The following RSPO2 variants were observed in gnomAD, a reference collection of about 807,000 sequenced individuals.
RSPO2 encodes the protein R-spondin 2.
In RSPO2, 14 loss-of-function variants were observed where a neutral mutation model predicts 30.9. The ratio of observed to expected loss-of-function variants is 0.45; its 90% CI spans 0.30 to 0.71. The LOEUF is 0.71. Ranked by LOEUF, RSPO2 falls within the 30% of genes least tolerant of loss-of-function variation. The probability of loss-of-function intolerance (pLI) is 0.08; values close to 1 mark genes in which losing one functional copy is unlikely to be tolerated. For missense variants in RSPO2, 264 were observed against 301.9 expected (o/e 0.87, Z 0.93); for synonymous variants, 107 against 96.4 (o/e 1.11, Z -0.64).
chr8:108,048,428 C>A (rs192337422), intron 2 of RSPO2, among the ~76,000 whole-genome samples: 4 of 151,724 alleles, frequency 2.6e-5, no homozygotes, highest in African/African-American at 4.8e-5. Flanking sequence ...TGTATTAAAA[C>A]CATAGCACTT....
chr8:108,005,554 A>G (rs1815426364), intron 2 of RSPO2, among the ~76,000 whole-genome samples: 1 of 152,106 alleles, frequency 6.6e-6, no homozygotes, highest in South Asian at 2.1e-4. Context: ...ACGTCAAACA[A>G]GCAGACAGAA....
chr8:107,914,162 C>T lies in RSPO2; in HGVS notation c.617-12972G>A, dbSNP rs115808876. Among the ~76,000 whole-genome samples, 1,462 of 152,178 alleles carry T rather than the reference C, an allele frequency of 9.6e-3. 26 individuals are homozygous for T. Among genetic ancestry groups the T allele is most frequent in the African/African-American group, 0.033 (1,354 of 41,524 alleles). On this transcript the variant is annotated intron_variant, in intron 5 of 5. Transcript: ENST00000276659. ...TCAGTGACTTATGATGAATACAAAA[C>T]AAACCTTCCATGATCTTAGCAGGGC...
intron 2 of RSPO2, among the ~76,000 whole-genome samples, chr8:108,026,468 T>A (rs768670332): frequency 2.4e-4 from 36 of 152,152 alleles, no homozygotes; most frequent in Non-Finnish European, 8.8e-5. Flanking sequence ...TGAGGTCCTT[T>A]TTGTTTTTAG....
At chr8:107,934,721 G>C (rs1812659864) in intron 5 of RSPO2, among the ~76,000 whole-genome samples, 1 of 152,104 alleles carries the variant, frequency 6.6e-6, no homozygotes, top group African/African-American at 2.4e-5. Context: ...CTGAAGCCAT[G>C]GCAGAAGAAC....
At chr8:108,062,851 T>C (rs1029764912) in intron 2 of RSPO2, among the ~76,000 whole-genome samples, 3 of 151,816 alleles carry the variant, frequency 2.0e-5, no homozygotes, top group Admixed American at 6.6e-5. Flanking sequence ...GTGGGCTTCA[T>C]CCCTGGAATG....
rs538003122 is a variant in RSPO2, at chr8:107,931,252, A to G, written c.616+26828T>C. ...TAGTGCTATTTCTTTCCTAGTAAAA[A>G]TAAGTATTAATATAAAGTGTGTCTT... On this transcript the variant is annotated intron_variant, in intron 5 of 5. Coordinates refer to ENST00000276659, the MANE Select transcript of RSPO2 (RefSeq NM_178565.5). 3.7e-4 allele frequency among the ~76,000 whole-genome samples: 56 copies of G among 152,294 alleles called. 1 individual carries two copies. In the South Asian group the frequency reaches 5.8e-3, roughly 16 times the overall value.
chr8:107,929,321 G>A (rs1812479374), intron 5 of RSPO2, among the ~76,000 whole-genome samples: 1 of 152,178 alleles, frequency 6.6e-6, no homozygotes, highest in Non-Finnish European at 1.5e-5. Context: ...AATGTGTAGA[G>A]GAGATAAATT....
chr8:108,008,721 G>A (rs1179251730), intron 2 of RSPO2, among the ~76,000 whole-genome samples: 1 of 151,026 alleles, frequency 6.6e-6, no homozygotes, highest in Non-Finnish European at 1.5e-5. Flanking sequence ...TTTGCTCAAT[G>A]TAAGTCTATG....
At chr8:108,059,767 C>G (rs1164258014) in intron 2 of RSPO2, among the ~76,000 whole-genome samples, 4 of 148,880 alleles carry the variant, frequency 2.7e-5, no homozygotes, top group Non-Finnish European at 5.9e-5. Flanking sequence ...AAACCAAACA[C>G]CACACATTCT....
intron 2 of RSPO2, among the ~76,000 whole-genome samples, chr8:108,036,409 A>C (rs1461085662): frequency 3.3e-5 from 5 of 152,216 alleles, no homozygotes; most frequent in African/African-American, 9.6e-5. Flanking sequence ...CCCCCTCTGC[A>C]AAACTGACCA....
intron 2 of RSPO2, among the ~76,000 whole-genome samples, chr8:108,038,836 A>C (rs993454248): frequency 1.4e-4 from 22 of 152,152 alleles, no homozygotes; most frequent in African/African-American, 4.8e-4. Context: ...TTGGCTACTT[A>C]ATAGACTACA....
At chr8:107,954,268 A>C (rs550126598) in intron 5 of RSPO2, among the ~76,000 whole-genome samples, 1 of 152,282 alleles carries the variant, frequency 6.6e-6, no homozygotes, top group African/African-American at 2.4e-5. Flanking sequence ...CCAACATAAT[A>C]CCTTAGCAAT....
At chr8:108,026,311 T>A (rs1055427454) in intron 2 of RSPO2, among the ~76,000 whole-genome samples, 1 of 152,220 alleles carries the variant, frequency 6.6e-6, no homozygotes, top group African/African-American at 2.4e-5. Context: ...ATGCAATATA[T>A]GACCTGGAAT....
At chr8:108,063,604 GC>G (rs1812551234) in intron 2 of RSPO2, among the ~76,000 whole-genome samples, 1 of 151,738 alleles carries the variant, frequency 6.6e-6, no homozygotes, top group African/African-American at 2.4e-5. Flanking sequence ...TGGCCATACT[GC>G]CCAAGGTAAT....
intron 5 of RSPO2, among the ~76,000 whole-genome samples, chr8:107,936,614 C>G (rs1253013604): frequency 6.6e-6 from 1 of 152,148 alleles, no homozygotes; most frequent in Non-Finnish European, 1.5e-5. Flanking sequence ...CACATCCTCA[C>G]CAGCATCTGT....
At chr8:107,942,616 T>C (rs1299593472) in intron 5 of RSPO2, among the ~76,000 whole-genome samples, 3 of 152,184 alleles carry the variant, frequency 2.0e-5, no homozygotes, top group East Asian at 3.8e-4. Flanking sequence ...TACAAAATCA[T>C]GTTTGCCCCT....
chr8:108,071,854 T>C (rs577304517), intron 2 of RSPO2, among the ~76,000 whole-genome samples: 1 of 152,216 alleles, frequency 6.6e-6, no homozygotes, highest in Admixed American at 6.5e-5. Context: ...ACATGACAAG[T>C]CAAAGACCAG....
chr8:107,962,810 T>TA (rs1212341152), intron 3 of RSPO2, among the ~76,000 whole-genome samples: 3 of 152,140 alleles, frequency 2.0e-5, no homozygotes, highest in Non-Finnish European at 4.4e-5. Context: ...CTCTTCTACT[T>TA]AAAGAGAAAA....
chr8:107,934,124 C>T (rs1812639541), intron 5 of RSPO2, among the ~76,000 whole-genome samples: 1 of 152,132 alleles, frequency 6.6e-6, no homozygotes, highest in South Asian at 2.1e-4. Context: ...AAATTAAGTT[C>T]TGGCAAGATG....
Sources: gnomAD v4.1 joint callset for allele counts (sites outside exome capture counted in the v4.1 genomes callset) on GRCh38, gnomAD v4.1.1 for gene constraint, MANE v1.5 for transcripts, NCBI Gene and HGNC (gene_info 2026-07-23, HGNC 2026-07-21) for gene names.